Variants in NAIP observed in about 807,000 individuals in gnomAD.
The protein encoded by NAIP is baculoviral IAP repeat-containing protein 1.
In NAIP, 15 loss-of-function variants were observed where a neutral mutation model predicts 23.0. The observed-to-expected ratio is 0.65, with a 90% CI of 0.44 to 1.00. The LOEUF (loss-of-function observed/expected upper bound fraction) is 1.00. Among genes scored for constraint, NAIP ranks in the 50% least tolerant of loss-of-function variants. The pLI is 0.00. For synonymous variants in NAIP, 100 were observed against 100.2 expected (o/e 1.00, Z 0.01); for missense variants, 265 against 278.8 (o/e 0.95, Z 0.35).
intron 3 of NAIP, among the ~76,000 whole-genome samples, chr5:71,013,965 C>T (rs1307507793): frequency 6.6e-6 from 1 of 151,482 alleles, no homozygotes; most frequent in African/African-American, 2.4e-5. Context: ...TGATAAAATT[C>T]CCAAACATGG....
intron 4 of NAIP, 188 bp from the exon 5 acceptor site, chr5:71,011,562 G>C (rs907782218): frequency 2.3e-5 from 14 of 596,360 alleles, no homozygotes; most frequent in African/African-American, 2.1e-4. Flanking sequence ...CCGTGCTCTA[G>C]GTACAGAACC....
At chr5:71,010,959 A>G (rs1341576040) in intron 5 of NAIP, among the ~76,000 whole-genome samples, 2 of 151,262 alleles carry the variant, frequency 1.3e-5, no homozygotes, top group African/African-American at 4.9e-5. Flanking sequence ...TTAGCCAGGC[A>G]CAGTGGCTCA....
At chr5:71,000,552 A>C (rs1427073213) in intron 8 of NAIP, among the ~76,000 whole-genome samples, 1 of 128,028 alleles carries the variant, frequency 7.8e-6, no homozygotes, top group African/African-American at 3.4e-5. Flanking sequence ...AATAATTATT[A>C]TTATTATTAT....
intron 4 of NAIP, among the ~76,000 whole-genome samples, chr5:71,011,987 A>C (rs996125169): frequency 6.6e-6 from 1 of 151,604 alleles, no homozygotes; most frequent in South Asian, 2.1e-4. Flanking sequence ...GAATCAAAGA[A>C]AGATCATGTA....
At chr5:71,009,362 C>A (rs1048015608) in intron 5 of NAIP, among the ~76,000 whole-genome samples, 429 of 99,214 alleles carry the variant, frequency 4.3e-3, no homozygotes, top group African/African-American at 6.8e-3. Flanking sequence ...AACTCACTCT[C>A]AAAAAAAAAA....
At chr5:71,015,285 A>G (rs551982371) in intron 3 of NAIP, among the ~76,000 whole-genome samples, 22 of 151,148 alleles carry the variant, frequency 1.5e-4, no homozygotes, top group African/African-American at 4.8e-4. Flanking sequence ...GAGCAGAGGC[A>G]GAAGGATCAC....
In NAIP at chr5:71,011,362, G is replaced by T; in HGVS notation, c.581C>A (p.Thr194Lys). ...TCCACCACAGGAAAAACACTGTACC[G>T]TGTCCTGTTTACCTATATATGAAGG... ...AGFVFTGKQD[T>K]VQCFSCGGCL... The change falls in exon 5 of 17, where the codon ACG (threonine) becomes AAG (lysine). Residue 194 changes from threonine to lysine, a missense_variant. Thr to Lys is a moderately conservative substitution (Grantham distance 78, BLOSUM62 -1). Around this residue, in one of 2 missense-constraint regions of NAIP, gnomAD observed 261 missense variants for 259.2 expected, o/e 1.01. Coordinates refer to ENST00000517649, the MANE Select transcript of NAIP (RefSeq NM_004536.3). 6.2e-7 allele frequency: 1 copy of T among 1,601,412 alleles called. No homozygotes were observed. The highest frequency in any genetic ancestry group is 1.1e-5 in the South Asian group (1 of 88,912).
At position 71,011,335 on chromosome 5, in the gene NAIP, C is replaced by T. The variant is rs145345185; in HGVS notation, c.608G>A (p.Cys203Tyr). 4.0e-5 allele frequency: 65 copies of T among 1,606,748 alleles called. 3 individuals are homozygous for T. The African/African-American group carries it at 7.1e-4, about 18-fold the overall frequency. The change falls in exon 5 of 17, where the codon TGT becomes TAT. Residue 203 changes from cysteine (C) to tyrosine (Y), a missense_variant. Cys to Tyr is a radical substitution (Grantham distance 194). Around this residue, in one of 2 missense-constraint regions of NAIP, gnomAD observed 261 missense variants for 259.2 expected, o/e 1.01. Coordinates refer to ENST00000517649, the MANE Select transcript of NAIP (RefSeq NM_004536.3). The stretch of plus-strand genomic sequence containing the variant: ...ATCTCCTTCTTCCCAATTTCCTAAA[C>T]ATCCACCACAGGAAAAACACTGTAC... ...DTVQCFSCGGCLGNWEEGDDP... is the reference protein window; with the variant it reads ...DTVQCFSCGGYLGNWEEGDDP...
intron 13 of NAIP, among the ~76,000 whole-genome samples, chr5:70,977,622 G>A (rs1453216117): frequency 1.2e-4 from 12 of 103,476 alleles, no homozygotes; most frequent in African/African-American, 2.9e-4. Flanking sequence ...TGGATATTGC[G>A]CCACCAAACT....
In NAIP at chr5:71,011,485, T is replaced by C. The variant is rs935818114; in HGVS notation, c.569-111A>G. On this transcript the variant is annotated intron_variant, in intron 4 of 16. Coordinates refer to ENST00000517649, the MANE Select transcript of NAIP (RefSeq NM_004536.3). ...GACAAGCTCCAGCGTGGCTGTGCAC[T>C]CCCGATCTCATTGGCCTGAGTCTCC... 5 of 882,376 alleles carry C rather than the reference T, an allele frequency of 5.7e-6. No individual in the cohort carries two copies. The African/African-American group carries it at 8.4e-5, about 15-fold the overall frequency. 54.7% of individuals were successfully genotyped at this position (882,376 alleles called of 1,614,324 possible).
intron 5 of NAIP, among the ~76,000 whole-genome samples, chr5:71,009,051 G>C (rs1751020661): frequency 1.4e-5 from 2 of 147,642 alleles, no homozygotes; most frequent in African/African-American, 2.5e-5. Flanking sequence ...AAAATCTTAA[G>C]GGGCTGAGCA....
chr5:71,010,981 C>T (rs1476614548), intron 5 of NAIP, among the ~76,000 whole-genome samples: 1 of 151,138 alleles, frequency 6.6e-6, no homozygotes, highest in Non-Finnish European at 1.5e-5. Flanking sequence ...GCCTGTAATC[C>T]TAGCACTTCG....
In NAIP at chr5:71,012,681, GTGGTATCCA is replaced by G. The variant is rs772384997; in HGVS notation, c.226_234del (p.Trp76_Pro78del). On this transcript the variant is annotated inframe_deletion, in exon 4 of 17. Coordinates refer to ENST00000517649, the MANE Select transcript of NAIP (RefSeq NM_004536.3). ...TAAAACCCAGCGGCCGCCATCTCCT[GTGGTATCCA>G]TGAGCTGTACGGCTCATAAGTCACA... The G allele has an allele frequency of 6.2e-7, 1 of 1,611,818 alleles. No homozygotes were observed. Among genetic ancestry groups the G allele is most frequent in the East Asian group, 2.2e-5 (1 of 44,854 alleles).
chr5:70,978,203 G>A (rs1435131088), intron 13 of NAIP, among the ~76,000 whole-genome samples: 1 of 143,830 alleles, frequency 7.0e-6, no homozygotes, highest in Non-Finnish European at 1.5e-5. Context: ...CTAGGCTGGA[G>A]TGCAGTGGCA....
intron 3 of NAIP, 34 bp from the exon 4 acceptor site, chr5:71,012,952 T>C (rs1299290907): frequency 1.1e-5 from 17 of 1,484,428 alleles, no homozygotes; most frequent in Admixed American, 2.3e-5. Flanking sequence ...TGATCCCTTA[T>C]AGTAAGATTT....
intron 3 of NAIP, among the ~76,000 whole-genome samples, chr5:71,013,639 T>TAAAA (rs35296500): frequency 8.1e-6 from 1 of 123,860 alleles, no homozygotes; most frequent in Non-Finnish European, 1.7e-5. Context: ...GACTCCGTCT[T>TAAAA]AAAAAAAAAA....
Position 71,012,850 on chromosome 5 carries a change from C to T in NAIP, c.66G>A (p.Glu22=), listed in dbSNP as rs1005862670. Residue 22 remains glutamate (E), a synonymous_variant, in exon 4 of 17, where the codon GAG becomes GAA. Transcript: ENST00000517649. ...CATCTAGGCCCAGAAGAGCAGACAG[C>T]TCTGGCAGCAAATTGTGATCAAACT... is the stretch of plus-strand genomic sequence containing the variant. ...ISQFDHNLLP[E]LSALLGLDAV... 4 of 1,610,428 alleles carry T rather than the reference C, an allele frequency of 2.5e-6. No individual in the cohort carries two copies. The highest frequency in any genetic ancestry group is 1.7e-5 in the Admixed American group (1 of 59,528).
intron 9 of NAIP, among the ~76,000 whole-genome samples, chr5:70,996,826 C>G (rs1181902772): frequency 2.9e-4 from 32 of 110,200 alleles, no homozygotes; most frequent in African/African-American, 8.8e-4. Flanking sequence ...AAGCAGATGG[C>G]TATAATTTTT....
chr5:70,996,875 C>A, intron 9 of NAIP, among the ~76,000 whole-genome samples: 1 of 86,106 alleles, frequency 1.2e-5, no homozygotes, highest in East Asian at 5.1e-4. Flanking sequence ...TGGGAAACCT[C>A]ATACATTGTT....
Sources: allele counts gnomAD v4.1 joint callset (sites outside exome capture counted in the v4.1 genomes callset), GRCh38; gene constraint gnomAD v4.1.1; regional missense constraint gnomAD v4.1.1; transcripts MANE v1.5; gene names NCBI Gene and HGNC (gene_info 2026-07-23, HGNC 2026-07-21).